TANC2: variants seen among roughly 807,000 people sequenced by gnomAD.
TANC2 encodes the protein tetratricopeptide repeat, ankyrin repeat and coiled-coil containing 2.
Under a neutral mutation model 210.5 loss-of-function variants are expected in TANC2, and 26 were observed. The observed-to-expected ratio is 0.12, with a 90% confidence interval of 0.09 to 0.17. The LOEUF is 0.17. Among genes scored for constraint, TANC2 ranks in the 10% least tolerant of loss-of-function variants. The pLI is 1.00. For missense variants in TANC2, 2,129 were observed against 2,608.9 expected (o/e 0.82, Z 4.01); for synonymous variants, 931 against 967.1 (o/e 0.96, Z 0.69).
At chr17:62,989,388 G>T (rs2032739966) in intron 1 of TANC2, among the ~76,000 whole-genome samples, 2 of 152,220 alleles carry the variant, frequency 1.3e-5, no homozygotes, top group Admixed American at 1.3e-4. Context: ...AATTTGCGAA[G>T]AATTTTCACT....
intron 19 of TANC2, among the ~76,000 whole-genome samples, chr17:63,404,511 C>T (rs1341930525): frequency 6.6e-6 from 1 of 152,180 alleles, no homozygotes; most frequent in African/African-American, 2.4e-5. Context: ...CCTCTTCTCT[C>T]ATCTTTAAGA....
intron 9 of TANC2, among the ~76,000 whole-genome samples, chr17:63,288,549 T>A (rs1265190781): frequency 6.6e-6 from 1 of 152,204 alleles, no homozygotes; most frequent in East Asian, 1.9e-4. Context: ...TTTGATGGTA[T>A]CGTTGAGTTC....
intron 3 of TANC2, among the ~76,000 whole-genome samples, chr17:63,089,360 T>C (rs1225756705): frequency 6.6e-6 from 1 of 152,186 alleles, no homozygotes; most frequent in Non-Finnish European, 1.5e-5. Context: ...ACTGTTAAGA[T>C]ACTTTCATTC....
At chr17:63,007,658 T>C (rs1208185073) in intron 1 of TANC2, among the ~76,000 whole-genome samples, 1 of 152,192 alleles carries the variant, frequency 6.6e-6, no homozygotes, top group Non-Finnish European at 1.5e-5. Context: ...CTAACATGAA[T>C]TATTACTTCT....
intron 14 of TANC2, among the ~76,000 whole-genome samples, chr17:63,362,122 A>C (rs1361899894): frequency 6.6e-6 from 1 of 152,162 alleles, no homozygotes; most frequent in East Asian, 1.9e-4. Flanking sequence ...AACCCTCAGC[A>C]GAGAGGAGAC....
chr17:63,105,019 T>G (rs1321128928), intron 4 of TANC2, among the ~76,000 whole-genome samples: 1 of 151,670 alleles, frequency 6.6e-6, no homozygotes, highest in Non-Finnish European at 1.5e-5. Context: ...AAATGTTAGC[T>G]AAATTATTAT....
chr17:63,174,732 T>G (rs551552778), intron 5 of TANC2, among the ~76,000 whole-genome samples: 2 of 152,296 alleles, frequency 1.3e-5, no homozygotes, highest in African/African-American at 4.8e-5. Context: ...AATATAGATT[T>G]CTATAATTGC....
intron 9 of TANC2, among the ~76,000 whole-genome samples, chr17:63,285,320 T>C (rs1899634): frequency 0.6 from 90,796 of 151,896 alleles, 29,646 homozygotes; most frequent in African/African-American, 0.86. Context: ...TATTTTGCTA[T>C]CACATTTTGA....
At position 63,382,319 on chromosome 17, in the gene TANC2, C is replaced by T. The variant is rs530552864; in HGVS notation, c.2691+2493C>T. Reference sequence around the variant, plus strand: ...CAGCTCCTTTTCCCATTTCTTTTTCCTCTAGCTCTTAATAAAGCCAACTAA... The same window carrying T: ...CAGCTCCTTTTCCCATTTCTTTTTCTTCTAGCTCTTAATAAAGCCAACTAA... On this transcript the variant is annotated intron_variant, in intron 15 of 27. Transcript: ENST00000689528. 1.3e-3 allele frequency among the ~76,000 whole-genome samples: 197 copies of T among 152,186 alleles called. 1 individual carries two copies. Among genetic ancestry groups the T allele is most frequent in the South Asian group, 4.6e-3 (22 of 4,822 alleles).
intron 9 of TANC2, among the ~76,000 whole-genome samples, chr17:63,278,017 A>G (rs904800829): frequency 2.0e-5 from 3 of 152,076 alleles, no homozygotes; most frequent in African/African-American, 4.8e-5. Context: ...CAAAAACTTT[A>G]AAAATTAGCC....
intron 1 of TANC2, among the ~76,000 whole-genome samples, chr17:62,971,141 A>T (rs1207956117): frequency 6.6e-6 from 1 of 152,152 alleles, no homozygotes; most frequent in African/African-American, 2.4e-5. Context: ...TTTTGTAGTA[A>T]CTTGCATTAG....
chr17:62,997,988 G>A (rs2033196349), intron 1 of TANC2, among the ~76,000 whole-genome samples: 1 of 152,138 alleles, frequency 6.6e-6, no homozygotes, highest in South Asian at 2.1e-4. Context: ...TGAGATTCAG[G>A]AGAAAGTCAA....
At chr17:63,009,389 CCT>C (rs2033766386) in intron 1 of TANC2, among the ~76,000 whole-genome samples, 146 bp from the exon 2 acceptor site, 3 of 152,084 alleles carry the variant, frequency 2.0e-5, no homozygotes, top group Admixed American at 6.6e-5. Flanking sequence ...GGGTACCTGT[CCT>C]CTCAATCATT....
chr17:63,307,069 A>G (rs2044938014), intron 9 of TANC2, among the ~76,000 whole-genome samples: 1 of 152,188 alleles, frequency 6.6e-6, no homozygotes, highest in Non-Finnish European at 1.5e-5. Context: ...TGGGGCATAG[A>G]CTGAGGGGGA....
chr17:63,094,239 C>A (rs150297674), intron 3 of TANC2, among the ~76,000 whole-genome samples: 227 of 151,952 alleles, frequency 1.5e-3, no homozygotes, highest in Non-Finnish European at 2.2e-3. Flanking sequence ...TTAAACTTCT[C>A]GGGGCCTGTT....
At chr17:63,290,619 T>C (rs191956430) in intron 9 of TANC2, among the ~76,000 whole-genome samples, 87 of 152,290 alleles carry the variant, frequency 5.7e-4, no homozygotes, top group African/African-American at 2.1e-3. Flanking sequence ...GGAACCACTG[T>C]TTTTCATTGC....
chr17:63,352,732 T>C (rs925552457), intron 13 of TANC2, among the ~76,000 whole-genome samples: 3 of 152,198 alleles, frequency 2.0e-5, no homozygotes, highest in Non-Finnish European at 4.4e-5. Flanking sequence ...AATTATTTCA[T>C]TTCCGACAGT....
intron 7 of TANC2, among the ~76,000 whole-genome samples, chr17:63,230,846 T>G (rs1179029990): frequency 6.6e-6 from 1 of 152,196 alleles, no homozygotes; most frequent in Non-Finnish European, 1.5e-5. Context: ...TGATTATCTG[T>G]CTAATATTGA....
chr17:63,250,265 G>A (rs1598705757), intron 8 of TANC2, among the ~76,000 whole-genome samples: 1 of 151,446 alleles, frequency 6.6e-6, no homozygotes. Context: ...TCTGGAAAGT[G>A]TTAGTTAAAT....
Sources: gnomAD v4.1 joint callset for allele counts (sites outside exome capture counted in the v4.1 genomes callset) on GRCh38, gnomAD v4.1.1 for gene constraint, MANE v1.5 for transcripts, NCBI Gene and HGNC (gene_info 2026-07-23, HGNC 2026-07-21) for gene names.